PCDH15: variants seen among roughly 807,000 people sequenced by gnomAD.
PCDH15 encodes protocadherin related 15.
In PCDH15, 129 loss-of-function variants were observed where a neutral mutation model predicts 178.5. The observed-to-expected ratio is 0.72, with a 90% CI of 0.63 to 0.84. The LOEUF (loss-of-function observed/expected upper bound fraction) is 0.84, where lower values mean the gene tolerates loss of function less well. Among genes scored for constraint, PCDH15 ranks in the 40% least tolerant of loss-of-function variants. The probability of loss-of-function intolerance (pLI) is 0.00; values close to 1 mark genes in which losing one functional copy is unlikely to be tolerated. For synonymous variants in PCDH15, 800 were observed against 732.0 expected (o/e 1.09, Z -1.50); for missense variants, 2,230 against 2,099.9 (o/e 1.06, Z -1.21).
In PCDH15 at chr10:53,806,988, A is replaced by C; in HGVS notation, c.4814T>G (p.Ile1605Ser). 1 of 1,613,652 alleles carries C rather than the reference A, an allele frequency of 6.2e-7. No individual in the cohort carries two copies. Among genetic ancestry groups the C allele is most frequent in the South Asian group, 1.1e-5 (1 of 91,064 alleles). Reference sequence around the variant, plus strand: ...TCTCACCACAGAACCATTCTGTGCAATATATATATTGCCGTTGATATTACT... The same window carrying C: ...TCTCACCACAGAACCATTCTGTGCACTATATATATTGCCGTTGATATTACT... Reference protein sequence around the residue: ...IHSNINGNIYIAQNGSVVRTR... With the variant: ...IHSNINGNIYSAQNGSVVRTR... Residue 1605 changes from isoleucine to serine, a missense_variant, in exon 38 of 38, where the codon ATT becomes AGT. Ile to Ser is a moderately radical substitution (Grantham distance 142). Transcript: ENST00000644397.
chr10:54,057,601 G>C (rs567542056), intron 18 of PCDH15, among the ~76,000 whole-genome samples: 2 of 152,126 alleles, frequency 1.3e-5, no homozygotes, highest in Non-Finnish European at 2.9e-5. Context: ...TTTCCTCCTA[G>C]GCCTCTGGGC....
At chr10:54,061,573 A>G (rs573937255) in intron 18 of PCDH15, among the ~76,000 whole-genome samples, 1 of 152,132 alleles carries the variant, frequency 6.6e-6, no homozygotes. Context: ...CATTGAAAAG[A>G]ACCAAGAATA....
intron 9 of PCDH15, among the ~76,000 whole-genome samples, chr10:54,218,972 G>A (rs1381160288): frequency 6.6e-6 from 1 of 151,730 alleles, no homozygotes; most frequent in Non-Finnish European, 1.5e-5. Flanking sequence ...AGAGACTTAG[G>A]GCTGGGCGCA....
chr10:54,768,345 T>C (rs1948740024), intron 1 of PCDH15, among the ~76,000 whole-genome samples: 1 of 152,160 alleles, frequency 6.6e-6, no homozygotes, highest in Non-Finnish European at 1.5e-5. Context: ...ACAAGAGTTC[T>C]GAGGCCCCAC....
chr10:55,088,371 T>C (rs1439484054), intron 2 of PCDH15, among the ~76,000 whole-genome samples: 1 of 151,780 alleles, frequency 6.6e-6, no homozygotes, highest in Non-Finnish European at 1.5e-5. Context: ...CAAGTTTAAG[T>C]GATTCTCCTG....
intron 1 of PCDH15, among the ~76,000 whole-genome samples, chr10:54,671,983 C>T (rs751729414): frequency 1.3e-5 from 2 of 152,040 alleles, no homozygotes; most frequent in Non-Finnish European, 2.9e-5. Flanking sequence ...GCCTGAGCTC[C>T]GCCTCCTGTC....
chr10:54,332,662 T>A (rs997448469), intron 6 of PCDH15, among the ~76,000 whole-genome samples: 3 of 152,046 alleles, frequency 2.0e-5, no homozygotes, highest in African/African-American at 7.2e-5. Flanking sequence ...TGGGATCTTC[T>A]GTTTTGCTTG....
intron 3 of PCDH15, among the ~76,000 whole-genome samples, chr10:54,525,369 C>A (rs150919219): frequency 4.6e-5 from 7 of 152,228 alleles, no homozygotes; most frequent in Admixed American, 1.3e-4. Context: ...AAATAGGAAA[C>A]CCACATGTTT....
intron 6 of PCDH15, among the ~76,000 whole-genome samples, chr10:54,342,598 A>G (rs1400590361): frequency 1.5e-5 from 2 of 129,882 alleles, no homozygotes; most frequent in Non-Finnish European, 3.3e-5. Flanking sequence ...GGGACTGCCT[A>G]GTGGAGCTGT....
chr10:54,958,335 C>A (rs1838546331), intron 2 of PCDH15, among the ~76,000 whole-genome samples: 2 of 151,726 alleles, frequency 1.3e-5, no homozygotes, highest in African/African-American at 4.8e-5. Context: ...TTACCTACGT[C>A]ACCATGGTAT....
chr10:54,048,342 C>A (rs2093697589), intron 18 of PCDH15, among the ~76,000 whole-genome samples: 1 of 152,078 alleles, frequency 6.6e-6, no homozygotes. Flanking sequence ...TATTTTCTCC[C>A]ATTCTGTAGG....
chr10:54,328,197 C>A (rs1373999349), intron 7 of PCDH15, among the ~76,000 whole-genome samples: 1 of 117,518 alleles, frequency 8.5e-6, no homozygotes, highest in East Asian at 2.0e-4. Flanking sequence ...ATTTCCCCAG[C>A]TTTGCCTTTA....
rs1040987623 is a variant in PCDH15, at chr10:54,696,693, C to A, written c.-28-32403G>T. On this transcript the variant is annotated intron_variant, in intron 1 of 37. Transcript: ENST00000644397. ...ATCAGAAAATAAATGAAAAAAAAAA[C>A]CGCCCTATTTTTGTATTTTAATTTC... Among the ~76,000 whole-genome samples, 12 of 151,290 alleles carry A rather than the reference C, an allele frequency of 7.9e-5. No homozygotes were observed. In the South Asian group the frequency reaches 1.3e-3, roughly 16 times the overall value.
intron 18 of PCDH15, among the ~76,000 whole-genome samples, chr10:54,039,095 T>C (rs1372744809): frequency 6.6e-6 from 1 of 152,046 alleles, no homozygotes; most frequent in Non-Finnish European, 1.5e-5. Context: ...ACACCCAGTA[T>C]GGCAGTTATT....
chr10:54,998,340 T>C (rs973683029), intron 2 of PCDH15, among the ~76,000 whole-genome samples: 6 of 152,104 alleles, frequency 3.9e-5, no homozygotes, highest in Non-Finnish European at 7.4e-5. Flanking sequence ...TATACATATG[T>C]AACTAACCTG....
intron 1 of PCDH15, among the ~76,000 whole-genome samples, chr10:54,738,760 A>G (rs1944425219): frequency 6.6e-6 from 1 of 152,134 alleles, no homozygotes; most frequent in African/African-American, 2.4e-5. Flanking sequence ...TATGCTAATC[A>G]ATAAACATGA....
At chr10:54,622,996 G>C (rs2093435868) in intron 2 of PCDH15, among the ~76,000 whole-genome samples, 1 of 151,010 alleles carries the variant, frequency 6.6e-6, no homozygotes, top group African/African-American at 2.4e-5. Context: ...CACACTTCAG[G>C]TTAGTTATTT....
chr10:54,088,517 A>T (rs2094550194), intron 16 of PCDH15, among the ~76,000 whole-genome samples: 1 of 152,122 alleles, frequency 6.6e-6, no homozygotes, highest in African/African-American at 2.4e-5. Flanking sequence ...TCACTTTAGG[A>T]TGGTGCTCCT....
chr10:54,632,601 C>T (rs1412146379), intron 2 of PCDH15, among the ~76,000 whole-genome samples: 1 of 151,966 alleles, frequency 6.6e-6, no homozygotes, highest in Non-Finnish European at 1.5e-5. Flanking sequence ...AAAATTACCC[C>T]TGCTAAAATT....
Sources: gnomAD v4.1 joint callset for allele counts (sites outside exome capture counted in the v4.1 genomes callset) on GRCh38, gnomAD v4.1.1 for gene constraint, MANE v1.5 for transcripts, NCBI Gene and HGNC (gene_info 2026-07-23, HGNC 2026-07-21) for gene names.